The following CDH13 variants were observed in gnomAD, a reference collection of about 807,000 sequenced individuals.
CDH13 encodes the protein cadherin-13.
A neutral mutation model predicts 63.8 loss-of-function variants in CDH13; 24 were observed. The observed-to-expected ratio is 0.38, with a 90% CI of 0.27 to 0.53. CDH13 has a LOEUF of 0.53. Ranked by LOEUF, CDH13 falls within the 20% of genes least tolerant of loss-of-function variation. The probability of loss-of-function intolerance (pLI) is 0.85; values close to 1 mark genes in which losing one functional copy is unlikely to be tolerated. For missense variants in CDH13, 1,049 were observed against 903.1 expected (o/e 1.16, Z -2.07); for synonymous variants, 503 against 355.3 (o/e 1.42, Z -4.67).
At chr16:82,678,117 T>C (rs1914136750) in intron 1 of CDH13, among the ~76,000 whole-genome samples, 1 of 152,138 alleles carries the variant, frequency 6.6e-6, no homozygotes, top group Non-Finnish European at 1.5e-5. Context: ...CCATGGAAGG[T>C]ATCTAGTACG....
chr16:83,039,232 C>T (rs2151485331), intron 3 of CDH13, among the ~76,000 whole-genome samples: 1 of 152,314 alleles, frequency 6.6e-6, no homozygotes, highest in South Asian at 2.1e-4. Flanking sequence ...GCTTAATAGG[C>T]TCTCACTTCC....
intron 13 of CDH13, among the ~76,000 whole-genome samples, chr16:83,790,544 C>T (rs1422410378): frequency 2.0e-5 from 3 of 152,162 alleles, no homozygotes; most frequent in African/African-American, 4.8e-5. Context: ...AGACTACAAG[C>T]GCCCGCCACC....
intron 4 of CDH13, among the ~76,000 whole-genome samples, chr16:83,200,175 T>C (rs534319866): frequency 5.9e-5 from 9 of 152,252 alleles, no homozygotes; most frequent in African/African-American, 2.2e-4. Context: ...ATGGTCTTTG[T>C]AACGCCTTAA....
chr16:83,235,192 G>GT (rs2040108867), intron 5 of CDH13, among the ~76,000 whole-genome samples: 1 of 152,132 alleles, frequency 6.6e-6, no homozygotes, highest in Non-Finnish European at 1.5e-5. Context: ...GTAACAGAGT[G>GT]AGACCCAGTC....
intron 6 of CDH13, among the ~76,000 whole-genome samples, chr16:83,450,018 C>A (rs561128297): frequency 1.3e-5 from 2 of 152,200 alleles, no homozygotes; most frequent in East Asian, 1.9e-4. Context: ...CCCGCCCCGA[C>A]CCCGGGCCCA....
At chr16:83,687,988 T>C (rs1251502299) in intron 10 of CDH13, among the ~76,000 whole-genome samples, 2 of 152,252 alleles carry the variant, frequency 1.3e-5, no homozygotes, top group Admixed American at 1.3e-4. Flanking sequence ...CTTTCTGACC[T>C]GGATGCTTTT....
chr16:83,774,087 C>T (rs1350835051), intron 11 of CDH13, among the ~76,000 whole-genome samples: 3 of 152,316 alleles, frequency 2.0e-5, no homozygotes, highest in Admixed American at 1.3e-4. Context: ...CTACTCAACT[C>T]TATAATCATT....
chr16:82,988,465 A>G (rs757525068), intron 2 of CDH13, among the ~76,000 whole-genome samples: 5 of 152,152 alleles, frequency 3.3e-5, no homozygotes, highest in African/African-American at 7.2e-5. Context: ...GAAAACGTCC[A>G]TAGACTGAGT....
chr16:82,941,696 T>C (rs1904289254), intron 2 of CDH13, among the ~76,000 whole-genome samples: 1 of 152,202 alleles, frequency 6.6e-6, no homozygotes, highest in Admixed American at 6.5e-5. Flanking sequence ...CCGAGCTCTC[T>C]ATCTCTAACC....
chr16:82,853,963 T>A (rs1386563811), intron 1 of CDH13, among the ~76,000 whole-genome samples: 1 of 152,220 alleles, frequency 6.6e-6, no homozygotes, highest in Non-Finnish European at 1.5e-5. Context: ...TTTGGAGTAA[T>A]GTCCAAGTTC....
At chr16:82,760,133 C>T (rs1361979240) in intron 1 of CDH13, among the ~76,000 whole-genome samples, 1 of 152,096 alleles carries the variant, frequency 6.6e-6, no homozygotes, top group East Asian at 1.9e-4. Context: ...TTTTCTGGAA[C>T]ACAAATATTT....
chr16:83,634,115 T>TTGTGTGTGTGTGTG (rs1454869281), intron 8 of CDH13, among the ~76,000 whole-genome samples: 1 of 135,680 alleles, frequency 7.4e-6, no homozygotes, highest in East Asian at 2.1e-4. Flanking sequence ...TTTGTGTGTT[T>TTGTGTGTGTGTGTG]TCTGTGTGTG....
chr16:83,624,100 G>A (rs560565903), intron 8 of CDH13, among the ~76,000 whole-genome samples: 3 of 152,248 alleles, frequency 2.0e-5, no homozygotes, highest in Non-Finnish European at 4.4e-5. Context: ...CTCCTTGTCT[G>A]CAGCTCCAGC....
chr16:83,769,740 A>C (rs12325350), intron 11 of CDH13, among the ~76,000 whole-genome samples: 98 of 152,232 alleles, frequency 6.4e-4, no homozygotes, highest in African/African-American at 2.1e-3. Context: ...ATGTGCTTTG[A>C]TCTGCAAATT....
intron 5 of CDH13, among the ~76,000 whole-genome samples, chr16:83,329,446 A>C (rs968171917): frequency 2.0e-5 from 3 of 151,004 alleles, no homozygotes; most frequent in Admixed American, 6.6e-5. Flanking sequence ...CATGTTGGCG[A>C]GGCTGGTCTC....
Position 83,765,671 on chromosome 16 carries a change from T to C in CDH13, c.1682-14297T>C, listed in dbSNP as rs1218256295. On this transcript the variant is annotated intron_variant, in intron 11 of 13. Transcript: ENST00000567109. ...TAAAAACAATGAGATTCTCAGCTTA[T>C]AGAGCTGATTTGTAAAATACTGGTG... 2.0e-5 allele frequency among the ~76,000 whole-genome samples: 3 copies of C among 152,268 alleles called. No homozygotes were observed. The South Asian group carries it at 6.2e-4, about 32-fold the overall frequency.
intron 2 of CDH13, among the ~76,000 whole-genome samples, chr16:82,951,858 C>A (rs1394269503): frequency 6.6e-6 from 1 of 152,186 alleles, no homozygotes; most frequent in African/African-American, 2.4e-5. Context: ...CCTAAGTGTT[C>A]CATTTCTTTC....
intron 6 of CDH13, among the ~76,000 whole-genome samples, chr16:83,384,637 T>A (rs1425183571): frequency 6.6e-6 from 1 of 152,152 alleles, no homozygotes; most frequent in East Asian, 1.9e-4. Flanking sequence ...TGCATGTGGG[T>A]CAGCAGCATG....
chr16:83,535,126 G>T (rs1316450074), intron 7 of CDH13, among the ~76,000 whole-genome samples: 1 of 152,244 alleles, frequency 6.6e-6, no homozygotes, highest in Admixed American at 6.5e-5. Flanking sequence ...TGGCCTGAAG[G>T]TTCATTAAGA....
Sources: gnomAD v4.1 joint callset for allele counts (sites outside exome capture counted in the v4.1 genomes callset) on GRCh38, gnomAD v4.1.1 for gene constraint, MANE v1.5 for transcripts, NCBI Gene and HGNC (gene_info 2026-07-23, HGNC 2026-07-21) for gene names.